The following LRRC1 variants were observed in gnomAD, a reference collection of about 807,000 sequenced individuals.
The protein encoded by LRRC1 is leucine-rich repeat-containing protein 1.
In LRRC1, 28 loss-of-function variants were observed where a neutral mutation model predicts 69.9. That is an observed-to-expected ratio of 0.40 (90% CI 0.30 to 0.55). The LOEUF (loss-of-function observed/expected upper bound fraction) is 0.55, where lower values mean the gene tolerates loss of function less well. LRRC1 is among the 20% of genes least tolerant of loss of function. The probability of loss-of-function intolerance (pLI) is 0.47; values close to 1 mark genes in which losing one functional copy is unlikely to be tolerated. For synonymous variants in LRRC1, 236 were observed against 240.2 expected, an observed-to-expected ratio of 0.98 and a Z score of 0.16; for missense variants, 498 against 609.0, an observed-to-expected ratio of 0.82 and a Z score of 1.92.
intron 2 of LRRC1, among the ~76,000 whole-genome samples, chr6:53,872,283 G>C (rs1766912791): frequency 6.6e-6 from 1 of 152,020 alleles, no homozygotes; most frequent in South Asian, 2.1e-4. Context: ...TATTTCCGTA[G>C]GTTTTTGGGG....
chr6:53,821,348 A>G (rs1765110456), intron 1 of LRRC1, among the ~76,000 whole-genome samples: 1 of 152,184 alleles, frequency 6.6e-6, no homozygotes. Flanking sequence ...TAAAAAATTT[A>G]TAGGTTATAT....
intron 2 of LRRC1, among the ~76,000 whole-genome samples, chr6:53,875,789 ATATG>A (rs757430609): frequency 6.6e-6 from 1 of 152,186 alleles, no homozygotes; most frequent in Non-Finnish European, 1.5e-5. Context: ...ATAATTGTAC[ATATG>A]TATGGGTACA....
chr6:53,847,084 A>G (rs1014609273), intron 2 of LRRC1, among the ~76,000 whole-genome samples: 6 of 152,256 alleles, frequency 3.9e-5, no homozygotes, highest in African/African-American at 1.4e-4. Flanking sequence ...TTTAACTGGT[A>G]CTGCAAAACA....
intron 10 of LRRC1, among the ~76,000 whole-genome samples, chr6:53,913,462 C>T (rs1356473912): frequency 6.6e-6 from 1 of 151,998 alleles, no homozygotes; most frequent in Non-Finnish European, 1.5e-5. Flanking sequence ...TTTGGCCTAA[C>T]TTTTGAAAAT....
At chr6:53,860,534 T>TC (rs1554183217) in intron 2 of LRRC1, among the ~76,000 whole-genome samples, 2 of 149,758 alleles carry the variant, frequency 1.3e-5, no homozygotes, top group South Asian at 4.3e-4. Context: ...TGGTTTAATC[T>TC]TTTTTAAAGG....
rs11307213 is a variant in LRRC1, at chr6:53,922,995, AT to A, written c.*216del. On this transcript the variant is annotated 3_prime_UTR_variant, in exon 14 of 14. Transcript: ENST00000370888. ...AGCGCACCAGTGGTCTCCCGGTGTGATTTTTTTTTTTTTTAATTTCAGTTGT... is the reference window on the plus strand; with the variant it reads ...AGCGCACCAGTGGTCTCCCGGTGTGATTTTTTTTTTTTTAATTTCAGTTGT... 0.34 allele frequency: 130,427 copies of A among 389,098 alleles called. 4,602 individuals carry two copies. Among genetic ancestry groups the A allele is most frequent in the East Asian group, 0.48 (12,745 of 26,548 alleles). 24.1% of individuals were successfully genotyped at this position (389,098 alleles called of 1,614,324 possible). A position where few individuals can be genotyped will look rare whatever the true frequency, so the allele number is the denominator to read the frequency against.
chr6:53,871,066 C>G (rs1766867536), intron 2 of LRRC1, among the ~76,000 whole-genome samples: 1 of 152,116 alleles, frequency 6.6e-6, no homozygotes, highest in Non-Finnish European at 1.5e-5. Context: ...GATTCCGTGT[C>G]TTGACTCTTG....
Position 53,795,218 on chromosome 6 carries a change from C to T in LRRC1, c.-39C>T. The T allele has an allele frequency of 1.3e-6, 2 of 1,556,176 alleles. No individual in the cohort carries two copies. Among genetic ancestry groups the T allele is most frequent in the Non-Finnish European group, 1.7e-6 (2 of 1,155,456 alleles). ...AGAGCGGGCTCGGAGCCCGGGTCTC[C>T]GCCGCTCGGGACCCGGCTAGGCGGC... On this transcript the variant is annotated 5_prime_UTR_variant, in exon 1 of 14. Coordinates refer to ENST00000370888, the MANE Select transcript of LRRC1 (RefSeq NM_018214.5).
At position 53,795,361 on chromosome 6, in the gene LRRC1, C is replaced by T. The variant is rs752383051; in HGVS notation, c.105C>T (p.Ala35=). 1.6e-5 allele frequency: 26 copies of T among 1,613,800 alleles called. No individual in the cohort carries two copies. The South Asian group carries it at 2.2e-4, about 14-fold the overall frequency. Residue 35 remains alanine (A), a synonymous_variant, in exon 1 of 14, where the codon GCC becomes GCT. Coordinates refer to ENST00000370888, the MANE Select transcript of LRRC1 (RefSeq NM_018214.5). ...VYVPEEIYRY[A]RSLEELLLDA... ...TCCCCGAGGAGATCTACCGCTATGCCCGGAGCCTGGAGGAGCTGCTGCTGG... is the reference window on the plus strand; with the variant it reads ...TCCCCGAGGAGATCTACCGCTATGCTCGGAGCCTGGAGGAGCTGCTGCTGG...
At chr6:53,882,548 A>G (rs1767327543) in intron 3 of LRRC1, among the ~76,000 whole-genome samples, 1 of 152,188 alleles carries the variant, frequency 6.6e-6, no homozygotes, top group Admixed American at 6.5e-5. Flanking sequence ...TTTTAGCTGC[A>G]GCAATAATTC....
At position 53,902,680 on chromosome 6, in the gene LRRC1, A is replaced by G; in HGVS notation, c.839A>G (p.Gln280Arg). The part of the protein sequence containing the change: ...ILKVDQNRLT[Q>R]LPEAVGECES... ...AAGGTGGATCAGAATAGACTCACAC[A>G]GTTGCCTGAAGCAGTTGGGGAATGT... The change falls in exon 9 of 14, where the codon CAG becomes CGG. Residue 280 changes from glutamine (Q) to arginine (R), a missense_variant. By Grantham distance (43) the Gln-to-Arg change is conservative. Around this residue, in one of 3 missense-constraint regions of LRRC1, gnomAD observed 266 missense variants for 383.9 expected, o/e 0.69. Coordinates refer to ENST00000370888, the MANE Select transcript of LRRC1 (RefSeq NM_018214.5). 1 of 1,613,686 alleles carries G rather than the reference A, an allele frequency of 6.2e-7. No homozygotes were observed. The highest frequency in any genetic ancestry group is 8.5e-7 in the Non-Finnish European group (1 of 1,179,792).
intron 1 of LRRC1, among the ~76,000 whole-genome samples, chr6:53,802,028 T>G (rs116086789): frequency 6.6e-6 from 1 of 152,306 alleles, no homozygotes; most frequent in Admixed American, 6.5e-5. Context: ...CGGTTAGTTC[T>G]GGAGCAAGCA....
chr6:53,806,924 C>T (rs1013448804), intron 1 of LRRC1, among the ~76,000 whole-genome samples: 1 of 152,166 alleles, frequency 6.6e-6, no homozygotes, highest in Non-Finnish European at 1.5e-5. Flanking sequence ...CCCAGCTTTT[C>T]AAAATGAGGC....
rs533605482 is a variant in LRRC1, at chr6:53,884,347, C to CA, written c.446+1381dup. On this transcript the variant is annotated intron_variant, in intron 4 of 13. Transcript: ENST00000370888. The stretch of plus-strand genomic sequence containing the variant: ...TGACGATAACCCATCTCTACAAAAA[C>CA]AAAAAAAAAATTAGCTGGGCCTGGT... Among the ~76,000 whole-genome samples the CA allele has an allele frequency of 1.5e-3, 226 of 147,770 alleles. 2 individuals are homozygous for CA. Among genetic ancestry groups the CA allele is most frequent in the Non-Finnish European group, 2.1e-3 (139 of 66,708 alleles).
intron 2 of LRRC1, among the ~76,000 whole-genome samples, chr6:53,855,934 G>A (rs1247319950): frequency 2.0e-4 from 30 of 152,134 alleles, no homozygotes. Flanking sequence ...TGGTAAAGAG[G>A]TCTCCTTTTT....
intron 8 of LRRC1, 59 bp downstream of exon 8, chr6:53,899,950 G>C: frequency 6.5e-7 from 1 of 1,534,278 alleles, no homozygotes; most frequent in South Asian, 1.2e-5. Context: ...TTGAGGGTTT[G>C]GGGCACACTT....
At chr6:53,865,271 A>G (rs1681295935) in intron 2 of LRRC1, among the ~76,000 whole-genome samples, 1 of 152,134 alleles carries the variant, frequency 6.6e-6, no homozygotes, top group South Asian at 2.1e-4. Context: ...TGATCAGTAC[A>G]GATGTTAATA....
intron 2 of LRRC1, 68 bp from the exon 3 acceptor site, chr6:53,878,925 C>T: frequency 1.2e-6 from 1 of 852,742 alleles, no homozygotes; most frequent in East Asian, 2.6e-5. Flanking sequence ...TGAGTGTGAT[C>T]CATCTTGAGA....
intron 1 of LRRC1, among the ~76,000 whole-genome samples, chr6:53,831,396 A>G (rs539084893): frequency 6.6e-6 from 1 of 152,218 alleles, no homozygotes; most frequent in African/African-American, 2.4e-5. Flanking sequence ...CTATTGCTTG[A>G]CCATACCCTC....
Sources: gnomAD v4.1 joint callset for allele counts (sites outside exome capture counted in the v4.1 genomes callset) on GRCh38, gnomAD v4.1.1 for gene constraint, gnomAD v4.1.1 regional missense constraint, MANE v1.5 for transcripts, NCBI Gene and HGNC (gene_info 2026-07-23, HGNC 2026-07-21) for gene names.